SLC2A7: variants seen among roughly 807,000 people sequenced by gnomAD.
SLC2A7 encodes solute carrier family 2 member 7, also known as solute carrier family 2, facilitated glucose transporter member 7.
Under a neutral mutation model 50.5 loss-of-function variants are expected in SLC2A7, and 50 were observed. That is an observed-to-expected ratio of 0.99 (90% CI 0.79 to 1.25). SLC2A7 has a LOEUF of 1.25. SLC2A7 is among the 50% of genes most tolerant of loss of function. The pLI is 0.00. For synonymous variants in SLC2A7, 308 were observed against 300.4 expected (o/e 1.03, Z -0.26); for missense variants, 683 against 679.1 (o/e 1.01, Z -0.06).
chr1:9,002,957 C>A (rs776005243), downstream of SLC2A7, among the ~76,000 whole-genome samples: 1 of 152,132 alleles, frequency 6.6e-6, no homozygotes, highest in African/African-American at 2.4e-5. Flanking sequence ...GACGGCAGCT[C>A]GGGTATCCAT....
At chr1:9,018,935 A>G (rs1416662027) in intron 4 of SLC2A7, among the ~76,000 whole-genome samples, 1 of 152,150 alleles carries the variant, frequency 6.6e-6, no homozygotes, top group East Asian at 1.9e-4. Flanking sequence ...TAATCCCAGG[A>G]CTTTGGGAGG....
intron 3 of SLC2A7, among the ~76,000 whole-genome samples, chr1:9,020,883 T>C (rs1640903802): frequency 6.6e-6 from 1 of 152,070 alleles, no homozygotes; most frequent in African/African-American, 2.4e-5. Flanking sequence ...CCAGGTCTGA[T>C]GGTTTTATAA....
Position 9,025,094 on chromosome 1 carries a change from G to A in SLC2A7, c.52-20C>T, listed in dbSNP as rs1366819799. 3.7e-6 allele frequency: 6 copies of A among 1,612,384 alleles called. No homozygotes were observed. Among genetic ancestry groups the A allele is most frequent in the Non-Finnish European group, 5.1e-6 (6 of 1,179,362 alleles). ...GAGCCGCTGTAGGAGACAAGTCCAA[G>A]GTCGGGACGCTGTGGGCTTGGGCCT... On this transcript the variant is annotated intron_variant, in intron 1 of 11. Transcript: ENST00000400906.
chr1:9,014,791 C>A lies in SLC2A7; in HGVS notation c.793G>T (p.Ala265Ser). ...DMRAEARAER[A>S]EGHLSVLHLC... The stretch of plus-strand genomic sequence containing the variant: ...TGCAGCACAGACAGGTGGCCCTCGG[C>A]GCGCTCGGCCCGGGCCTCCGCACGC... The change falls in exon 7 of 12, where the codon GCC becomes TCC. Residue 265 changes from alanine (A) to serine (S), a missense_variant. Ala to Ser is a moderately conservative substitution (Grantham distance 99). Transcript: ENST00000400906. The A allele has an allele frequency of 1.2e-6, 2 of 1,601,020 alleles. No homozygotes were observed. Among genetic ancestry groups the A allele is most frequent in the Admixed American group, 1.7e-5 (1 of 58,210 alleles).
intron 8 of SLC2A7, among the ~76,000 whole-genome samples, chr1:9,012,089 C>T (rs563857178): frequency 1.3e-5 from 2 of 152,234 alleles, no homozygotes; most frequent in African/African-American, 4.8e-5. Flanking sequence ...CTACTCCATC[C>T]CTAATGGCTG....
At chr1:9,014,533 G>T in intron 7 of SLC2A7, 148 bp downstream of exon 7, 2 of 903,486 alleles carry the variant, frequency 2.2e-6, no homozygotes, top group Non-Finnish European at 3.3e-6. Flanking sequence ...GCAGAGAGGA[G>T]TGAGGTTTCT....
chr1:9,014,120 CTGG>C (rs757971842), intron 7 of SLC2A7, among the ~76,000 whole-genome samples: 3 of 152,228 alleles, frequency 2.0e-5, no homozygotes, highest in Non-Finnish European at 2.9e-5. Context: ...CCCACGATCA[CTGG>C]TTAAACATCC....
intron 3 of SLC2A7, among the ~76,000 whole-genome samples, chr1:9,021,572 C>T (rs960623904): frequency 6.6e-6 from 1 of 152,148 alleles, no homozygotes; most frequent in African/African-American, 2.4e-5. Flanking sequence ...GTCGGCAACA[C>T]TGAGGACTGG....
chr1:9,021,565 G>A (rs1399982745), intron 3 of SLC2A7, among the ~76,000 whole-genome samples: 2 of 152,108 alleles, frequency 1.3e-5, no homozygotes, highest in East Asian at 1.9e-4. Flanking sequence ...ATCCCAGGTC[G>A]GCAACACTGA....
rs149870338 is a variant in SLC2A7 at position 9,004,832 on chromosome 1, G to A, written c.1240C>T (p.Arg414Trp). ...CCGTCCACCATGAAAGCTGCCCGCC[G>A]GGAGGACTGCAGGAAGATCTCGGTC... ...VRTEIFLQSSRRAAFMVDGAV... is the reference protein window; with the variant it reads ...VRTEIFLQSSWRAAFMVDGAV... Residue 414 changes from arginine (R) to tryptophan (W), a missense_variant, in exon 11 of 12, where the codon CGG becomes TGG. Coordinates refer to ENST00000400906, the MANE Select transcript of SLC2A7 (RefSeq NM_207420.3). 95 of 1,613,954 alleles carry A rather than the reference G, an allele frequency of 5.9e-5. No individual in the cohort carries two copies. The highest frequency in any genetic ancestry group is 5.3e-4 in the South Asian group (48 of 91,080).
intron 5 of SLC2A7, among the ~76,000 whole-genome samples, chr1:9,017,707 A>G (rs1640850835): frequency 6.6e-6 from 1 of 152,148 alleles, no homozygotes; most frequent in South Asian, 2.1e-4. Context: ...GTGATTTTTC[A>G]GCAGACCTTC....
At chr1:9,016,639 A>T in intron 5 of SLC2A7, among the ~76,000 whole-genome samples, 1 of 150,380 alleles carries the variant, frequency 6.6e-6, no homozygotes, top group East Asian at 2.0e-4. Flanking sequence ...GAGGGAGGGA[A>T]GAAGAGAGAG....
In SLC2A7 at chr1:9,022,971, C is replaced by G. The variant is rs1569810110; in HGVS notation, c.258G>C (p.Leu86=). ...CGAGCAATGACCCCAACAGGCCGCC[C>G]AGAGGAAACATGGAGACGGTGCAAG... ...LWSCTVSMFP[L]GGLLGSLLVG... The change falls in exon 3 of 12, where the codon CTG becomes CTC. Residue 86 remains leucine, a synonymous_variant. Transcript: ENST00000400906. The G allele has an allele frequency of 6.2e-7, 1 of 1,614,168 alleles. No homozygotes were observed. The highest frequency in any genetic ancestry group is 8.5e-7 in the Non-Finnish European group (1 of 1,180,028).
chr1:9,022,756 G>A (rs1051680191), intron 3 of SLC2A7, among the ~76,000 whole-genome samples, 162 bp downstream of exon 3: 1 of 152,148 alleles, frequency 6.6e-6, no homozygotes, highest in Non-Finnish European at 1.5e-5. Flanking sequence ...GAGACATTTA[G>A]GGACTGGTTT....
At chr1:9,004,409 G>C (rs993485975) in intron 11 of SLC2A7, among the ~76,000 whole-genome samples, 1 of 151,930 alleles carries the variant, frequency 6.6e-6, no homozygotes, top group Non-Finnish European at 1.5e-5. Context: ...TGCTGAGAGC[G>C]CAGAGTTTGT....
chr1:9,001,095 T>C (rs1640566895), downstream of SLC2A7, among the ~76,000 whole-genome samples: 1 of 152,102 alleles, frequency 6.6e-6, no homozygotes, highest in South Asian at 2.1e-4. Flanking sequence ...ATAATTAATA[T>C]GCAAAGTGAC....
At chr1:8,997,049 A>C in the SLC2A7 span, among the ~76,000 whole-genome samples, 2 of 152,126 alleles carry the variant, frequency 1.3e-5, no homozygotes, top group Non-Finnish European at 2.9e-5. Flanking sequence ...AAGTGCTGGG[A>C]TTACAGGTGT....
intron 8 of SLC2A7, 127 bp from the exon 9 acceptor site, chr1:9,010,371 T>A: frequency 1.4e-6 from 1 of 739,814 alleles, no homozygotes; most frequent in Non-Finnish European, 2.2e-6. Flanking sequence ...TTCTTTCTTT[T>A]TTTTTAAACG....
chr1:9,025,842 C>T (rs1640990518), intron 1 of SLC2A7, among the ~76,000 whole-genome samples: 1 of 152,182 alleles, frequency 6.6e-6, no homozygotes, highest in Non-Finnish European at 1.5e-5. Context: ...GGTGCATGCC[C>T]CCTCCCCACT....
Sources: gnomAD v4.1 joint callset for allele counts (sites outside exome capture counted in the v4.1 genomes callset) on GRCh38, gnomAD v4.1.1 for gene constraint, MANE v1.5 for transcripts, NCBI Gene and HGNC (gene_info 2026-07-23, HGNC 2026-07-21) for gene names.